FBXW7: variants seen among roughly 807,000 people sequenced by gnomAD.
The protein encoded by FBXW7 is F-box and WD repeat domain containing 7.
Under a neutral mutation model 86.3 loss-of-function variants are expected in FBXW7, and 11 were observed. The ratio of observed to expected loss-of-function variants is 0.13; its 90% confidence interval spans 0.08 to 0.21. The LOEUF is 0.21. FBXW7 is among the 10% of genes least tolerant of loss of function. FBXW7 has a pLI of 1.00. For missense variants in FBXW7, 488 were observed against 847.4 expected (o/e 0.58, Z 5.27); for synonymous variants, 313 against 297.9 (o/e 1.05, Z -0.52).
intron 4 of FBXW7, among the ~76,000 whole-genome samples, chr4:152,374,551 C>T (rs940885812): frequency 6.6e-6 from 1 of 152,044 alleles, no homozygotes; most frequent in Non-Finnish European, 1.5e-5. Context: ...GTTTAACAGA[C>T]ACTTCAATGA....
At chr4:152,340,256 G>A (rs926962291) in intron 6 of FBXW7, among the ~76,000 whole-genome samples, 1 of 152,178 alleles carries the variant, frequency 6.6e-6, no homozygotes, top group South Asian at 2.1e-4. Flanking sequence ...CTCAGCAGAT[G>A]TTACTTCGTG....
At chr4:152,457,542 G>C (rs558539463) in intron 2 of FBXW7, among the ~76,000 whole-genome samples, 85 of 151,698 alleles carry the variant, frequency 5.6e-4, no homozygotes, top group African/African-American at 1.9e-3. Flanking sequence ...TACTTGGGAG[G>C]CTGAGGCAGG....
intron 2 of FBXW7, among the ~76,000 whole-genome samples, chr4:152,465,104 G>A (rs1200452093): frequency 6.6e-6 from 1 of 152,084 alleles, no homozygotes; most frequent in African/African-American, 2.4e-5. Context: ...AGCAGGACAT[G>A]ACCTGAGAAG....
intron 2 of FBXW7, among the ~76,000 whole-genome samples, chr4:152,492,988 A>G (rs764104255): frequency 2.6e-5 from 4 of 151,806 alleles, no homozygotes; most frequent in Non-Finnish European, 4.4e-5. Flanking sequence ...AAGTGGTAAG[A>G]CTGCCTGGGG....
chr4:152,410,155 C>A (rs1292441753), intron 4 of FBXW7, among the ~76,000 whole-genome samples: 1 of 152,088 alleles, frequency 6.6e-6, no homozygotes, highest in African/African-American at 2.4e-5. Context: ...TTTGATTGAA[C>A]CTCTTTCTGA....
At chr4:152,436,441 A>G (rs1740392053) in intron 2 of FBXW7, among the ~76,000 whole-genome samples, 1 of 152,254 alleles carries the variant, frequency 6.6e-6, no homozygotes, top group African/African-American at 2.4e-5. Context: ...TCTTGATAAC[A>G]TATAAGTACA....
At chr4:152,384,914 T>C (rs891128430) in intron 4 of FBXW7, among the ~76,000 whole-genome samples, 27 of 152,024 alleles carry the variant, frequency 1.8e-4, no homozygotes, top group Non-Finnish European at 5.9e-5. Flanking sequence ...GAATGAATAC[T>C]AGGTTCATGC....
chr4:152,456,250 A>C (rs918290522), intron 2 of FBXW7, among the ~76,000 whole-genome samples: 1 of 151,860 alleles, frequency 6.6e-6, no homozygotes, highest in Non-Finnish European at 1.5e-5. Flanking sequence ...ACTGTGGCTC[A>C]AGCCTGTAAT....
Position 152,347,032 on chromosome 4 carries a change from A to G in FBXW7, c.624T>C (p.Thr208=), listed in dbSNP as rs1238919295. Residue 208 remains threonine, a synonymous_variant, in exon 6 of 14, where the codon ACT becomes ACC. Coordinates refer to ENST00000281708, the MANE Select transcript of FBXW7 (RefSeq NM_001349798.2). ...CATTGGCTGCTCTGAGGTCCCCAAA[A>G]GTTGTTGGTGTTGCTGAACATGGTA... is the stretch of plus-strand genomic sequence containing the variant. ...GLVPCSATPT[T]FGDLRAANGQ... 3.1e-6 allele frequency: 5 copies of G among 1,613,140 alleles called. No individual in the cohort carries two copies. In the Admixed American group the frequency reaches 8.3e-5, roughly 27 times the overall value.
intron 4 of FBXW7, among the ~76,000 whole-genome samples, chr4:152,381,919 C>A (rs985865660): frequency 9.9e-5 from 15 of 152,022 alleles, no homozygotes; most frequent in Non-Finnish European, 1.3e-4. Flanking sequence ...TCAAAACATA[C>A]CTTTTTACAT....
chr4:152,341,840 C>T (rs115259654), intron 6 of FBXW7, among the ~76,000 whole-genome samples: 2,274 of 152,192 alleles, frequency 0.015, 29 homozygotes, highest in Middle Eastern at 0.037. Context: ...TGCATGTGTA[C>T]ATGAAATAAC....
chr4:152,443,122 C>T (rs1475483090), intron 2 of FBXW7, among the ~76,000 whole-genome samples: 15 of 151,946 alleles, frequency 9.9e-5, no homozygotes, highest in African/African-American at 3.4e-4. Flanking sequence ...ATTAGCCGGG[C>T]GTGGTGGTGC....
intron 10 of FBXW7, chr4:152,328,711 T>C (rs144108494): frequency 5.8e-6 from 1 of 171,446 alleles, no homozygotes. Flanking sequence ...GATGAAATAA[T>C]ACTGAAATTG....
chr4:152,520,504 C>T (rs1245038146), intron 2 of FBXW7, among the ~76,000 whole-genome samples: 1 of 151,676 alleles, frequency 6.6e-6, no homozygotes, highest in African/African-American at 2.4e-5. Context: ...GTCACTTCTT[C>T]ACCTCCAGTT....
At position 152,320,889 on chromosome 4, in the gene FBXW7, G is replaced by A. The variant is rs1043836182; in HGVS notation, c.*1992C>T. 1.3e-5 allele frequency: 2 copies of A among 152,210 alleles called. No homozygotes were observed. Among genetic ancestry groups the A allele is most frequent in the Admixed American group, 6.6e-5 (1 of 15,262 alleles). The allele number at this position is 152,210 out of a possible 1,614,324, so 9.4% of individuals were successfully genotyped here. A position where few individuals can be genotyped will look rare whatever the true frequency, so the allele number is the denominator to read the frequency against. ...TAAGAGAGAATGAACAGAAAGTATC[G>A]AGGGTAAGCACTTAATATGTGGTCA... On this transcript the variant is annotated 3_prime_UTR_variant, in exon 14 of 14. Transcript: ENST00000281708.
chr4:152,348,920 A>G (rs932499229), intron 5 of FBXW7: 1 of 157,386 alleles, frequency 6.4e-6, no homozygotes, highest in African/African-American at 2.4e-5. Flanking sequence ...CAGTTAACAT[A>G]AGAAAAATCA....
chr4:152,351,352 A>G (rs1731795874), intron 4 of FBXW7, among the ~76,000 whole-genome samples: 2 of 152,104 alleles, frequency 1.3e-5, no homozygotes, highest in South Asian at 4.1e-4. Flanking sequence ...GCTAGAGGTG[A>G]GGGTACAACA....
chr4:152,336,270 T>G (rs1004075549), intron 7 of FBXW7, among the ~76,000 whole-genome samples: 8 of 152,072 alleles, frequency 5.3e-5, no homozygotes, highest in African/African-American at 1.9e-4. Flanking sequence ...ACTGAGAGAA[T>G]CTTTACTGGA....
intron 2 of FBXW7, among the ~76,000 whole-genome samples, chr4:152,493,034 A>G (rs1746005802): frequency 6.6e-6 from 1 of 151,866 alleles, no homozygotes; most frequent in Non-Finnish European, 1.5e-5. Flanking sequence ...GAAAATACCA[A>G]AGGACCAAGA....
Sources: gnomAD v4.1 joint callset for allele counts (sites outside exome capture counted in the v4.1 genomes callset) on GRCh38, gnomAD v4.1.1 for gene constraint, MANE v1.5 for transcripts, NCBI Gene and HGNC (gene_info 2026-07-23, HGNC 2026-07-21) for gene names.